Variants in RARB observed in about 807,000 individuals in gnomAD.
RARB encodes HBV-activated protein.
In RARB, 17 loss-of-function variants were observed where a neutral mutation model predicts 51.9. The observed-to-expected ratio is 0.33, with a 90% CI of 0.22 to 0.49. The LOEUF (loss-of-function observed/expected upper bound fraction) is 0.49. RARB is among the 20% of genes least tolerant of loss of function. The pLI, the probability that RARB is intolerant of heterozygous loss-of-function variation, is 0.99. For synonymous variants in RARB, 215 were observed against 195.4 expected (o/e 1.10, Z -0.84); for missense variants, 369 against 550.8 (o/e 0.67, Z 3.30).
At chr3:24,868,010 T>C (rs1189379904) in intron 2 of RARB, among the ~76,000 whole-genome samples, 1 of 152,144 alleles carries the variant, frequency 6.6e-6, no homozygotes, top group Non-Finnish European at 1.5e-5. Context: ...TCATCCTTAC[T>C]AAGGAAAATG....
intron 4 of RARB, among the ~76,000 whole-genome samples, chr3:25,573,543 C>T (rs1389239780): frequency 6.6e-6 from 1 of 152,238 alleles, no homozygotes; most frequent in Admixed American, 6.5e-5. Flanking sequence ...TGACCGTGCT[C>T]TTCATTTGTA....
chr3:24,913,153 T>C (rs547927022), intron 2 of RARB, among the ~76,000 whole-genome samples: 2 of 151,262 alleles, frequency 1.3e-5, no homozygotes, highest in Non-Finnish European at 3.0e-5. Context: ...GCTAATTTTG[T>C]TTTTGTATTT....
At chr3:25,406,584 A>T (rs1707415116) in intron 5 of RARB, among the ~76,000 whole-genome samples, 2 of 152,200 alleles carry the variant, frequency 1.3e-5, no homozygotes, top group Admixed American at 1.3e-4. Context: ...GTCATATTGG[A>T]TTAGGACTCC....
chr3:25,055,846 A>G (rs1346492749), intron 2 of RARB, among the ~76,000 whole-genome samples: 2 of 152,106 alleles, frequency 1.3e-5, no homozygotes, highest in African/African-American at 4.8e-5. Context: ...AAAAAGAGTC[A>G]CAGGTGCTGG....
chr3:25,404,885 G>A (rs759816153), intron 5 of RARB, among the ~76,000 whole-genome samples: 6 of 152,050 alleles, frequency 3.9e-5, no homozygotes, highest in African/African-American at 9.7e-5. Flanking sequence ...AAATTTACTC[G>A]CTACTTTTTT....
intron 5 of RARB, among the ~76,000 whole-genome samples, chr3:25,379,676 T>A (rs1223590127): frequency 2.0e-5 from 3 of 152,258 alleles, no homozygotes; most frequent in African/African-American, 7.2e-5. Context: ...GCACAGTTGC[T>A]ACTCTCAGGG....
At chr3:25,414,662 C>A (rs1050207971) in intron 5 of RARB, among the ~76,000 whole-genome samples, 1 of 152,082 alleles carries the variant, frequency 6.6e-6, no homozygotes. Flanking sequence ...TAGCATTTAC[C>A]TAATAACTAA....
Position 25,428,378 on chromosome 3 carries a change from G to T in RARB, c.-354G>T. The T allele has an allele frequency of 4.0e-6, 5 of 1,247,986 alleles. No individual in the cohort carries two copies. Among genetic ancestry groups the T allele is most frequent in the Non-Finnish European group, 5.0e-6 (5 of 997,410 alleles). 77.3% of individuals were successfully genotyped at this position (1,247,986 alleles called of 1,614,324 possible). On this transcript the variant is annotated 5_prime_UTR_variant, in exon 1 of 8. Coordinates refer to ENST00000330688, the MANE Select transcript of RARB (RefSeq NM_000965.5). Reference sequence around the variant, plus strand: ...TTGAGGACTGGGATGCCGAGAACGCGAGCGATCCGAGCAGGGTTTGTCTGG... The same window carrying T: ...TTGAGGACTGGGATGCCGAGAACGCTAGCGATCCGAGCAGGGTTTGTCTGG...
intron 5 of RARB, among the ~76,000 whole-genome samples, chr3:25,182,361 G>T (rs945255249): frequency 6.6e-6 from 1 of 152,180 alleles, no homozygotes; most frequent in Non-Finnish European, 1.5e-5. Context: ...GGGGTACTGG[G>T]CATGGTGCTG....
intron 3 of RARB, among the ~76,000 whole-genome samples, chr3:25,531,065 G>A (rs1194878467): frequency 6.6e-6 from 1 of 152,188 alleles, no homozygotes; most frequent in Non-Finnish European, 1.5e-5. Flanking sequence ...AGATAAGGAA[G>A]TAAAGATAGC....
chr3:25,310,073 C>A (rs1251612005), intron 5 of RARB, among the ~76,000 whole-genome samples: 6 of 152,290 alleles, frequency 3.9e-5, no homozygotes, highest in Admixed American at 1.3e-4. Context: ...GAAGTCTGGC[C>A]TGTGAATTTG....
At chr3:24,855,741 T>G (rs577855021) in intron 1 of RARB, among the ~76,000 whole-genome samples, 1 of 134,320 alleles carries the variant, frequency 7.4e-6, no homozygotes, top group East Asian at 2.5e-4. Flanking sequence ...ACTGGAAATC[T>G]GCATTTTTTT....
chr3:25,223,675 T>C (rs1409659695), intron 5 of RARB, among the ~76,000 whole-genome samples: 1 of 152,198 alleles, frequency 6.6e-6, no homozygotes, highest in Admixed American at 6.5e-5. Context: ...AGTAGTCATA[T>C]GAAGAGAGCA....
chr3:25,281,225 G>C (rs972257417), intron 5 of RARB, among the ~76,000 whole-genome samples: 2 of 152,334 alleles, frequency 1.3e-5, no homozygotes, highest in East Asian at 1.9e-4. Flanking sequence ...AATGGAGCCA[G>C]TGGGGACATT....
rs558245871 is a variant in RARB, at chr3:25,265,378, A to G, written c.178+90803A>G. On this transcript the variant is annotated intron_variant, in intron 5 of 11. Transcript: ENST00000383772. Reference sequence around the variant, plus strand: ...ATAATTGCCCTCCAAAAATATTTGTATCAATTGACATCTCAGCAAGTTTTC... The same window carrying G: ...ATAATTGCCCTCCAAAAATATTTGTGTCAATTGACATCTCAGCAAGTTTTC... Among the ~76,000 whole-genome samples, 276 of 152,332 alleles carry G rather than the reference A, an allele frequency of 1.8e-3. 1 individual carries two copies. The highest frequency in any genetic ancestry group is 7.3e-3 in the South Asian group (35 of 4,826).
rs1243155330 is a variant in RARB, at chr3:25,195,460, T to C, written c.178+20885T>C. ...TTAAGACGATTCAGACATTAAAAAA[T>C]AGCACGTGACGTCAGCTTGGAGATC... On this transcript the variant is annotated intron_variant, in intron 5 of 11. Coordinates refer to the RARB transcript ENST00000383772. Among the ~76,000 whole-genome samples, 8 of 152,046 alleles carry C rather than the reference T, an allele frequency of 5.3e-5. No individual in the cohort carries two copies. In the East Asian group the frequency reaches 5.8e-4, roughly 11 times the overall value.
At chr3:25,331,148 T>C (rs1418386816) in intron 5 of RARB, among the ~76,000 whole-genome samples, 1 of 152,168 alleles carries the variant, frequency 6.6e-6, no homozygotes, top group African/African-American at 2.4e-5. Context: ...TATCCAGGAA[T>C]TGAATTCAGC....
chr3:24,995,798 C>G (rs866110753), intron 2 of RARB, among the ~76,000 whole-genome samples: 5 of 151,856 alleles, frequency 3.3e-5, no homozygotes, highest in African/African-American at 7.3e-5. Context: ...TCCTTGTATC[C>G]CTGGGATAAA....
intron 3 of RARB, among the ~76,000 whole-genome samples, chr3:25,125,234 TAAG>T (rs1384288748): frequency 6.6e-6 from 1 of 152,130 alleles, no homozygotes; most frequent in African/African-American, 2.4e-5. Flanking sequence ...GCATCTGAAA[TAAG>T]AAGGAGGTAA....
Sources: gnomAD v4.1 joint callset for allele counts (sites outside exome capture counted in the v4.1 genomes callset) on GRCh38, gnomAD v4.1.1 for gene constraint, MANE v1.5 for transcripts, NCBI Gene and HGNC (gene_info 2026-07-23, HGNC 2026-07-21) for gene names.